Variants in PPARGC1A observed in about 807,000 individuals in gnomAD.
PPARGC1A encodes the protein peroxisome proliferator-activated receptor gamma coactivator 1-alpha.
Under a neutral mutation model 88.7 loss-of-function variants are expected in PPARGC1A, and 25 were observed. That is an observed-to-expected ratio of 0.28 (90% CI 0.21 to 0.39). The LOEUF (loss-of-function observed/expected upper bound fraction) is 0.39. Ranked by LOEUF, PPARGC1A falls within the 10% of genes least tolerant of loss-of-function variation. PPARGC1A has a pLI of 1.00. For missense variants in PPARGC1A, 880 were observed against 968.7 expected (o/e 0.91, Z 1.22); for synonymous variants, 363 against 355.6 (o/e 1.02, Z -0.24).
chr4:23,848,085 T>C (rs1728633485), intron 2 of PPARGC1A, among the ~76,000 whole-genome samples: 7 of 152,152 alleles, frequency 4.6e-5, no homozygotes, highest in Admixed American at 4.6e-4. Context: ...AAGTGAAATC[T>C]GCCATAGTTG....
the PPARGC1A span, among the ~76,000 whole-genome samples, chr4:24,098,054 A>G: frequency 6.6e-6 from 1 of 152,244 alleles, no homozygotes; most frequent in African/African-American, 2.4e-5. Context: ...TGGATAGAAA[A>G]AAGTTGCTGT....
chr4:24,156,079 T>C, the PPARGC1A span, among the ~76,000 whole-genome samples: 1 of 152,210 alleles, frequency 6.6e-6, no homozygotes, highest in East Asian at 1.9e-4. Flanking sequence ...AACCCTGGCT[T>C]TCTGTTTTTC....
At chr4:23,870,813 T>A (rs1211960548) in intron 2 of PPARGC1A, among the ~76,000 whole-genome samples, 1 of 152,050 alleles carries the variant, frequency 6.6e-6, no homozygotes, top group East Asian at 1.9e-4. Context: ...TTTTCCAGTA[T>A]GAATTATAAA....
At chr4:24,230,399 G>A in the PPARGC1A span, among the ~76,000 whole-genome samples, 3 of 152,130 alleles carry the variant, frequency 2.0e-5, no homozygotes, top group South Asian at 2.1e-4. Context: ...GGTTGTACAG[G>A]AGTCAGTTCC....
chr4:24,425,561 C>T, the PPARGC1A span, among the ~76,000 whole-genome samples: 1 of 152,100 alleles, frequency 6.6e-6, no homozygotes, highest in Non-Finnish European at 1.5e-5. Context: ...TAATATGCTC[C>T]TTCATAAGTC....
chr4:24,320,571 G>A, the PPARGC1A span, among the ~76,000 whole-genome samples: 105 of 152,292 alleles, frequency 6.9e-4, 1 homozygote, highest in African/African-American at 2.4e-3. Context: ...TCAGGAACTT[G>A]AAAATACAGT....
upstream of PPARGC1A, among the ~76,000 whole-genome samples, chr4:23,903,587 A>AT (rs1719677414): frequency 6.6e-6 from 1 of 152,220 alleles, no homozygotes; most frequent in Non-Finnish European, 1.5e-5. Flanking sequence ...CATGCAATAC[A>AT]GTGGTCCTCG....
chr4:23,904,581 T>C (rs1489762113), upstream of PPARGC1A, among the ~76,000 whole-genome samples: 2 of 152,188 alleles, frequency 1.3e-5, no homozygotes, highest in African/African-American at 4.8e-5. Context: ...TTATTTGGAA[T>C]ACGTTGTCAA....
chr4:24,325,756 A>G, the PPARGC1A span, among the ~76,000 whole-genome samples: 1 of 152,118 alleles, frequency 6.6e-6, no homozygotes, highest in African/African-American at 2.4e-5. Flanking sequence ...GTGGAAGGTA[A>G]GTCCGTCCCC....
the PPARGC1A span, among the ~76,000 whole-genome samples, chr4:23,936,298 T>G: frequency 6.6e-6 from 1 of 152,166 alleles, no homozygotes; most frequent in Non-Finnish European, 1.5e-5. Flanking sequence ...ACAGATGGAT[T>G]GAGAAACTTG....
chr4:24,013,153 G>T, the PPARGC1A span, among the ~76,000 whole-genome samples: 38 of 152,264 alleles, frequency 2.5e-4, 1 homozygote, highest in South Asian at 7.9e-3. Context: ...TAAGACGGAC[G>T]TGGCTCCTAC....
the PPARGC1A span, among the ~76,000 whole-genome samples, chr4:23,956,658 T>C: frequency 1.3e-5 from 2 of 152,100 alleles, no homozygotes; most frequent in Non-Finnish European, 1.5e-5. Context: ...TTTGAAATCT[T>C]TCCTCTATTT....
chr4:23,904,438 C>A (rs576798512), upstream of PPARGC1A, among the ~76,000 whole-genome samples: 1 of 152,228 alleles, frequency 6.6e-6, no homozygotes, highest in South Asian at 2.1e-4. Flanking sequence ...ATCCCGGGAA[C>A]CCATTCAGGA....
At chr4:24,379,781 C>CTTT in the PPARGC1A span, among the ~76,000 whole-genome samples, 2,262 of 138,130 alleles carry the variant, frequency 0.016, 74 homozygotes, top group African/African-American at 0.057. Context: ...TATTTAAATT[C>CTTT]TTTTTTTTTT....
chr4:24,221,216 A>G, the PPARGC1A span, among the ~76,000 whole-genome samples: 4 of 152,338 alleles, frequency 2.6e-5, no homozygotes, highest in Non-Finnish European at 4.4e-5. Context: ...GAGTTTGGAC[A>G]TTCCTTAAAT....
chr4:24,135,966 G>A, the PPARGC1A span, among the ~76,000 whole-genome samples: 1 of 152,150 alleles, frequency 6.6e-6, no homozygotes, highest in Admixed American at 6.5e-5. Flanking sequence ...GCTCATTAAT[G>A]ACTCGATCCA....
the PPARGC1A span, among the ~76,000 whole-genome samples, chr4:24,134,377 T>C: frequency 6.6e-6 from 1 of 152,252 alleles, no homozygotes; most frequent in Admixed American, 6.5e-5. Context: ...AGATAAATGT[T>C]TACAAATCAA....
At chr4:23,826,796 C>G (rs890514407) in intron 5 of PPARGC1A, among the ~76,000 whole-genome samples, 1 of 151,504 alleles carries the variant, frequency 6.6e-6, no homozygotes, top group African/African-American at 2.4e-5. Context: ...CCAGTCTCAT[C>G]TAAAGAAAAT....
chr4:24,290,459 C>T, the PPARGC1A span, among the ~76,000 whole-genome samples: 1 of 152,178 alleles, frequency 6.6e-6, no homozygotes, highest in African/African-American at 2.4e-5. Flanking sequence ...CCTCTCTGAG[C>T]CTCCATTTCC....
Sources: gnomAD v4.1 joint callset for allele counts (sites outside exome capture counted in the v4.1 genomes callset) on GRCh38, gnomAD v4.1.1 for gene constraint, MANE v1.5 for transcripts, NCBI Gene and HGNC (gene_info 2026-07-23, HGNC 2026-07-21) for gene names.